Variants in KIF26B observed in about 807,000 individuals in gnomAD.
KIF26B encodes the protein kinesin-like protein KIF26B.
Under a neutral mutation model 151.2 loss-of-function variants are expected in KIF26B, and 63 were observed. That is an observed-to-expected ratio of 0.42 (90% confidence interval 0.34 to 0.51). The LOEUF (loss-of-function observed/expected upper bound fraction) is 0.51. Among genes scored for constraint, KIF26B ranks in the 20% least tolerant of loss-of-function variants. The pLI is 0.07. For synonymous variants in KIF26B, 1,357 were observed against 1,262.1 expected, an observed-to-expected ratio of 1.08 and a Z score of -1.59; for missense variants, 2,813 against 2,913.6, an observed-to-expected ratio of 0.97 and a Z score of 0.79.
At chr1:245,533,756 G>C (rs1210046363) in intron 4 of KIF26B, among the ~76,000 whole-genome samples, 1 of 151,792 alleles carries the variant, frequency 6.6e-6, no homozygotes, top group Non-Finnish European at 1.5e-5. Flanking sequence ...TCACAATCCA[G>C]GGTAATAGTC....
intron 10 of KIF26B, among the ~76,000 whole-genome samples, chr1:245,683,245 G>A (rs764218703): frequency 3.9e-5 from 6 of 152,110 alleles, no homozygotes; most frequent in Admixed American, 1.3e-4. Flanking sequence ...ACATGGGGAC[G>A]AATTCCTCTC....
At chr1:245,200,052 T>C (rs1669270792) in intron 2 of KIF26B, among the ~76,000 whole-genome samples, 1 of 152,214 alleles carries the variant, frequency 6.6e-6, no homozygotes, top group South Asian at 2.1e-4. Context: ...TGCGATGGGA[T>C]TTTAAAAAAT....
chr1:245,275,200 T>C (rs1363817180), intron 2 of KIF26B, among the ~76,000 whole-genome samples: 1 of 152,166 alleles, frequency 6.6e-6, no homozygotes, highest in African/African-American at 2.4e-5. Context: ...TGTAAATTTG[T>C]TTAAATTCAT....
intron 3 of KIF26B, among the ~76,000 whole-genome samples, chr1:245,412,360 A>G (rs593881): frequency 0.49 from 75,241 of 152,064 alleles, 19,153 homozygotes; most frequent in South Asian, 0.64. Flanking sequence ...ATTAAATGTC[A>G]TTAATTAAAG....
chr1:245,443,998 CCTAGAGCGGTCATCTCCCTCACTGTTCAT>C (rs1390934799), intron 4 of KIF26B, among the ~76,000 whole-genome samples: 7 of 139,836 alleles, frequency 5.0e-5, no homozygotes, highest in African/African-American at 1.4e-4. Flanking sequence ...TCACTGTTCA[CCTAGAGCGGTCATCTCCCTCACTGTTCAT>C]CTAGAGGAGA....
intron 6 of KIF26B, 57 bp from the exon 7 acceptor site, chr1:245,607,594 G>C: frequency 7.1e-7 from 1 of 1,405,234 alleles, no homozygotes; most frequent in Non-Finnish European, 9.9e-7. Context: ...TTCGTTGTTA[G>C]TGGTGTCTCC....
At chr1:245,501,711 C>T (rs999317564) in intron 4 of KIF26B, among the ~76,000 whole-genome samples, 11 of 152,346 alleles carry the variant, frequency 7.2e-5, no homozygotes, top group African/African-American at 2.6e-4. Context: ...CAAATGCATT[C>T]TTGCTAAGAC....
intron 2 of KIF26B, among the ~76,000 whole-genome samples, chr1:245,250,837 G>T (rs538997643): frequency 1.3e-5 from 2 of 152,024 alleles, no homozygotes; most frequent in African/African-American, 4.8e-5. Flanking sequence ...TTTTGTTATC[G>T]TATTGGGGGT....
chr1:245,302,548 G>T (rs920310047), intron 2 of KIF26B, among the ~76,000 whole-genome samples: 2 of 152,184 alleles, frequency 1.3e-5, no homozygotes, highest in Non-Finnish European at 2.9e-5. Flanking sequence ...CAATTCAGCA[G>T]CAAGGAACTT....
chr1:245,226,526 G>A (rs368494431), intron 2 of KIF26B, among the ~76,000 whole-genome samples: 2 of 151,768 alleles, frequency 1.3e-5, no homozygotes, highest in African/African-American at 4.8e-5. Flanking sequence ...GCAATGGCGC[G>A]ATCTCGGCTC....
intron 10 of KIF26B, among the ~76,000 whole-genome samples, chr1:245,666,651 C>G (rs2044218815): frequency 6.6e-6 from 1 of 152,118 alleles, no homozygotes; most frequent in Non-Finnish European, 1.5e-5. Flanking sequence ...ACATAGGCGG[C>G]TGCTTCCTCG....
chr1:245,347,322 T>A (rs1483304105), intron 2 of KIF26B, among the ~76,000 whole-genome samples: 3 of 151,006 alleles, frequency 2.0e-5, no homozygotes, highest in Non-Finnish European at 3.0e-5. Context: ...TCTTTCTTTC[T>A]TTTTTTTTAG....
At chr1:245,242,797 A>G (rs565821248) in intron 2 of KIF26B, among the ~76,000 whole-genome samples, 9 of 151,656 alleles carry the variant, frequency 5.9e-5, no homozygotes, top group South Asian at 4.2e-4. Flanking sequence ...GATTACAGGC[A>G]CGCACCACCA....
intron 5 of KIF26B, 90 bp downstream of exon 5, chr1:245,541,040 T>A: frequency 1.9e-6 from 2 of 1,068,776 alleles, no homozygotes; most frequent in South Asian, 1.6e-5. Flanking sequence ...TCCAATGTAT[T>A]AAAATAAGAC....
intron 4 of KIF26B, among the ~76,000 whole-genome samples, chr1:245,466,155 A>G (rs1659784945): frequency 6.6e-6 from 1 of 150,658 alleles, no homozygotes; most frequent in South Asian, 2.1e-4. Flanking sequence ...ACCAGACTGT[A>G]GAGTAAGAGT....
intron 2 of KIF26B, among the ~76,000 whole-genome samples, chr1:245,202,704 G>T (rs1573705419): frequency 6.8e-6 from 1 of 147,366 alleles, no homozygotes; most frequent in Non-Finnish European, 1.5e-5. Flanking sequence ...AGCTTGCAGT[G>T]AGCTGAGATC....
At chr1:245,534,702 C>T (rs910154400) in intron 4 of KIF26B, among the ~76,000 whole-genome samples, 6 of 151,842 alleles carry the variant, frequency 4.0e-5, no homozygotes, top group African/African-American at 1.2e-4. Context: ...TAAAACAACC[C>T]ATTCATTTTT....
chr1:245,281,972 T>C (rs536564708), intron 2 of KIF26B, among the ~76,000 whole-genome samples: 278 of 152,216 alleles, frequency 1.8e-3, no homozygotes, highest in Non-Finnish European at 3.4e-3. Context: ...ATATCTCTGT[T>C]TTGGTACCAG....
At position 245,166,031 on chromosome 1, in the gene KIF26B, G is replaced by A. The variant is rs572625463; in HGVS notation, c.465+9348G>A. ...GAAGAACTACAATCAACAGACTTGC[G>A]TGCAAAACCAGGCTCCGTCACTTAG... On this transcript the variant is annotated intron_variant, in intron 2 of 14. Transcript: ENST00000407071. The surrounding 1 kb of genome is among the most constrained non-coding windows in gnomAD (Gnocchi z 4.5). Among the ~76,000 whole-genome samples the A allele has an allele frequency of 9.9e-5, 15 of 152,272 alleles. No individual in the cohort carries two copies. In the East Asian group the frequency reaches 2.3e-3, roughly 23 times the overall value.
Sources: gnomAD v4.1 joint callset for allele counts (sites outside exome capture counted in the v4.1 genomes callset) on GRCh38, gnomAD v4.1.1 for gene constraint, Gnocchi (gnomAD v3.1) non-coding constraint, MANE v1.5 for transcripts, NCBI Gene and HGNC (gene_info 2026-07-23, HGNC 2026-07-21) for gene names.